The following PIK3R1 variants were observed in gnomAD, a reference collection of about 807,000 sequenced individuals.
The protein encoded by PIK3R1 is phosphoinositide-3-kinase regulatory subunit 1.
Under a neutral mutation model 98.0 loss-of-function variants are expected in PIK3R1, and 29 were observed. The observed-to-expected ratio is 0.30, with a 90% CI of 0.22 to 0.40. PIK3R1 has a LOEUF of 0.40. PIK3R1 is among the 10% of genes least tolerant of loss of function. PIK3R1 has a pLI of 1.00. For synonymous variants in PIK3R1, 282 were observed against 311.8 expected (o/e 0.90, Z 1.01); for missense variants, 596 against 872.7 (o/e 0.68, Z 3.99).
intron 1 of PIK3R1, among the ~76,000 whole-genome samples, chr5:68,220,739 A>T (rs987605333): frequency 1.3e-5 from 2 of 152,176 alleles, no homozygotes; most frequent in Non-Finnish European, 2.9e-5. Flanking sequence ...AGCATGCAAC[A>T]CATTCTATTT....
intron 7 of PIK3R1, chr5:68,292,014 C>T: frequency 3.0e-6 from 1 of 331,788 alleles, no homozygotes; most frequent in Non-Finnish European, 5.5e-6. Flanking sequence ...ATGGCCAGCC[C>T]AATTTATTTG....
At chr5:68,276,381 G>A (rs1746572269) in intron 4 of PIK3R1, among the ~76,000 whole-genome samples, 5 of 152,186 alleles carry the variant, frequency 3.3e-5, no homozygotes. Flanking sequence ...ATGGCAGAGG[G>A]CAGGATCCCA....
intron 7 of PIK3R1, chr5:68,288,901 C>G (rs1436504733): frequency 2.5e-6 from 2 of 790,804 alleles, no homozygotes; most frequent in African/African-American, 1.7e-5. Context: ...CTCCCCCTGT[C>G]CTCGAGGGGG....
chr5:68,284,743 C>CAGA (rs1747011102), intron 7 of PIK3R1, among the ~76,000 whole-genome samples: 2 of 152,194 alleles, frequency 1.3e-5, no homozygotes, highest in South Asian at 2.1e-4. Flanking sequence ...CTCTTCCTAG[C>CAGA]AGAGAACTAG....
chr5:68,275,520 TAAA>T (rs58065578), intron 4 of PIK3R1, among the ~76,000 whole-genome samples: 40 of 143,180 alleles, frequency 2.8e-4, no homozygotes, highest in South Asian at 1.1e-3. Context: ...TTTAGTTATT[TAAA>T]AAAAAAAAAA....
chr5:68,237,863 ACT>A lies in PIK3R1; in HGVS notation c.334+10857_334+10858del, dbSNP rs1262927438. On this transcript the variant is annotated intron_variant, in intron 2 of 15. Coordinates refer to ENST00000521381, the MANE Select transcript of PIK3R1 (RefSeq NM_181523.3). Reference sequence around the variant, plus strand: ...GCAGGGCAGACCCATCTCTTCCCTAACTCTGTCCATAATTCAGAAAGGGCCCA... The same window carrying A: ...GCAGGGCAGACCCATCTCTTCCCTAACTGTCCATAATTCAGAAAGGGCCCA... Among the ~76,000 whole-genome samples the A allele has an allele frequency of 5.3e-5, 8 of 152,260 alleles. No individual in the cohort carries two copies. The South Asian group carries it at 1.2e-3, about 24-fold the overall frequency.
chr5:68,243,632 C>T (rs1057222636), intron 2 of PIK3R1, among the ~76,000 whole-genome samples: 1 of 152,236 alleles, frequency 6.6e-6, no homozygotes, highest in Non-Finnish European at 1.5e-5. Context: ...TGCCACCTTT[C>T]TTTTCCTTTA....
Position 68,299,434 on chromosome 5 carries a change from G to A in PIK3R1, c.*1833G>A, listed in dbSNP as rs202050841. 12 of 231,110 alleles carry A rather than the reference G, an allele frequency of 5.2e-5. No homozygotes were observed. Among genetic ancestry groups the A allele is most frequent in the East Asian group, 3.0e-4 (5 of 16,514 alleles). The allele number at this position is 231,110 out of a possible 1,614,324, so 14.3% of individuals were successfully genotyped here. ...CTAATCATTGTATGTGCTTCACTACGGGGGGGAGAAGGAAACGTTAGCATC... is the reference window on the plus strand; with the variant it reads ...CTAATCATTGTATGTGCTTCACTACAGGGGGGAGAAGGAAACGTTAGCATC... On this transcript the variant is annotated 3_prime_UTR_variant, in exon 16 of 16. Coordinates refer to ENST00000521381, the MANE Select transcript of PIK3R1 (RefSeq NM_181523.3).
intron 2 of PIK3R1, among the ~76,000 whole-genome samples, chr5:68,270,999 T>C (rs1230942548): frequency 2.0e-5 from 3 of 152,244 alleles, no homozygotes; most frequent in Non-Finnish European, 2.9e-5. Flanking sequence ...TATATTTACA[T>C]TTTAACATAC....
chr5:68,274,964 AC>A (rs1746511307), intron 4 of PIK3R1, among the ~76,000 whole-genome samples: 2 of 152,232 alleles, frequency 1.3e-5, no homozygotes, highest in African/African-American at 4.8e-5. Context: ...GTATAATTGT[AC>A]AAAGAATGCC....
chr5:68,268,856 A>G (rs1267894953), intron 2 of PIK3R1, among the ~76,000 whole-genome samples: 2 of 152,222 alleles, frequency 1.3e-5, no homozygotes, highest in Non-Finnish European at 2.9e-5. Context: ...AATGCAAAGA[A>G]TGCCACTGTC....
intron 2 of PIK3R1, among the ~76,000 whole-genome samples, chr5:68,262,403 T>TATATATATATACAC (rs33968242): frequency 7.1e-6 from 1 of 140,618 alleles, no homozygotes; most frequent in Non-Finnish European, 1.5e-5. Flanking sequence ...TATATATATA[T>TATATATATATACAC]ACACACACGC....
chr5:68,239,932 A>G (rs1316465864), intron 2 of PIK3R1: 18 of 498,756 alleles, frequency 3.6e-5, no homozygotes, highest in South Asian at 3.1e-5. Context: ...CGCAGGCTGG[A>G]AAGAGGTGAT....
intron 2 of PIK3R1, among the ~76,000 whole-genome samples, chr5:68,245,335 G>A (rs1561268059): frequency 6.6e-6 from 1 of 152,078 alleles, no homozygotes; most frequent in African/African-American, 2.4e-5. Flanking sequence ...AAAAATAGTT[G>A]AGTTTTAAAT....
In PIK3R1 at chr5:68,300,970, C is replaced by A. The variant is rs1439206574; in HGVS notation, c.*3369C>A. The A allele has an allele frequency of 1.3e-5, 3 of 233,072 alleles. No individual in the cohort carries two copies. The highest frequency in any genetic ancestry group is 6.1e-5 in the East Asian group (1 of 16,496). 14.4% of individuals were successfully genotyped at this position (233,072 alleles called of 1,614,324 possible). ...TATGTGAGCTGTCACTGTGGGGAAC[C>A]AATTGCTTTGTCATATAGCTGGTTA... On this transcript the variant is annotated 3_prime_UTR_variant, in exon 16 of 16. Coordinates refer to ENST00000521381, the MANE Select transcript of PIK3R1 (RefSeq NM_181523.3).
intron 2 of PIK3R1, among the ~76,000 whole-genome samples, chr5:68,265,397 T>A (rs1043989840): frequency 1.2e-4 from 19 of 152,062 alleles, no homozygotes; most frequent in South Asian, 6.2e-4. Context: ...CACCACAGAC[T>A]GGTGTTTATG....
chr5:68,292,208 T>TAGTTCTAATGTAGTTGGGATTGCGA (rs1747433121), intron 7 of PIK3R1, 51 bp from the exon 8 acceptor site: 1 of 1,092,478 alleles, frequency 9.2e-7, no homozygotes, highest in African/African-American at 1.6e-5. Context: ...TAAAGAAATT[T>TAGTTCTAATGTAGTTGGGATTGCGA]AGTTCTAATG....
intron 15 of PIK3R1, 71 bp from the exon 16 acceptor site, chr5:68,297,341 A>G (rs1747778731): frequency 8.0e-7 from 1 of 1,256,530 alleles, no homozygotes; most frequent in Non-Finnish European, 1.1e-6. Flanking sequence ...GCTTTTTATT[A>G]AAGATGCCCT....
At chr5:68,236,091 G>A (rs1223409528) in intron 2 of PIK3R1, among the ~76,000 whole-genome samples, 4 of 151,352 alleles carry the variant, frequency 2.6e-5, no homozygotes, top group East Asian at 3.9e-4. Context: ...GGCTGGTCTC[G>A]AACTCCTAAC....
Sources: gnomAD v4.1 joint callset for allele counts (sites outside exome capture counted in the v4.1 genomes callset) on GRCh38, gnomAD v4.1.1 for gene constraint, MANE v1.5 for transcripts, NCBI Gene and HGNC (gene_info 2026-07-23, HGNC 2026-07-21) for gene names.